The following DNAH7 variants were observed in gnomAD, a reference collection of about 807,000 sequenced individuals.
DNAH7 encodes axonemal beta dynein heavy chain 7.
DNAH7 carries 397 observed loss-of-function variants against 444.6 expected under a neutral mutation model. That is an observed-to-expected ratio of 0.89 (90% confidence interval 0.82 to 0.97). The LOEUF is 0.97. Among genes scored for constraint, DNAH7 ranks in the 50% least tolerant of loss-of-function variants. The pLI is 0.00. For synonymous variants in DNAH7, 1,636 were observed against 1,624.4 expected (o/e 1.01, Z -0.17); for missense variants, 4,902 against 4,800.8 (o/e 1.02, Z -0.62).
chr2:196,033,757 T>G (rs571209724), intron 5 of DNAH7, among the ~76,000 whole-genome samples: 2 of 152,208 alleles, frequency 1.3e-5, no homozygotes, highest in Non-Finnish European at 2.9e-5. Context: ...AACATGGGCA[T>G]GCAGATGTCT....
chr2:195,763,664 G>A (rs565341866), intron 61 of DNAH7, among the ~76,000 whole-genome samples: 7 of 151,734 alleles, frequency 4.6e-5, no homozygotes, highest in Non-Finnish European at 8.8e-5. Flanking sequence ...ACAACCTACC[G>A]GGATTGGACC....
At chr2:195,896,519 A>G (rs1269826691) in intron 29 of DNAH7, among the ~76,000 whole-genome samples, 2 of 152,166 alleles carry the variant, frequency 1.3e-5, no homozygotes, top group Non-Finnish European at 1.5e-5. Flanking sequence ...TTTAAGTTAA[A>G]AAGTTGGAGT....
At chr2:196,065,994 T>C (rs1166578251) in intron 1 of DNAH7, among the ~76,000 whole-genome samples, 1 of 152,244 alleles carries the variant, frequency 6.6e-6, no homozygotes, top group Non-Finnish European at 1.5e-5. Flanking sequence ...TTAAGTCCTT[T>C]TGAGTATGCC....
intron 54 of DNAH7, among the ~76,000 whole-genome samples, chr2:195,801,689 G>C (rs1696466601): frequency 1.3e-5 from 2 of 152,190 alleles, no homozygotes; most frequent in Admixed American, 1.3e-4. Context: ...GGTCTACTCT[G>C]TAAAACATTG....
intron 51 of DNAH7, among the ~76,000 whole-genome samples, chr2:195,814,159 T>C (rs13420829): frequency 0.027 from 4,103 of 152,296 alleles, 180 homozygotes; most frequent in African/African-American, 0.093. Context: ...ACTGGGCAAA[T>C]ACTTCTGATT....
In DNAH7 at chr2:195,737,850, A is replaced by T; in HGVS notation, c.*71T>A. On this transcript the variant is annotated 3_prime_UTR_variant, in exon 65 of 65. Transcript: ENST00000312428. ...TTTAAACAAACAAAAAAAAAGGTTTAAGTAGTAAAATATGCTTTCTCTACT... is the reference window on the plus strand; with the variant it reads ...TTTAAACAAACAAAAAAAAAGGTTTTAGTAGTAAAATATGCTTTCTCTACT... 2.2e-6 allele frequency: 3 copies of T among 1,358,006 alleles called. No homozygotes were observed. Among genetic ancestry groups the T allele is most frequent in the Non-Finnish European group, 2.0e-6 (2 of 986,818 alleles). 84.1% of individuals were successfully genotyped at this position (1,358,006 alleles called of 1,614,324 possible). A position where few individuals can be genotyped will look rare whatever the true frequency, so the allele number is the denominator to read the frequency against.
intron 21 of DNAH7, among the ~76,000 whole-genome samples, chr2:195,931,346 C>T (rs922188472): frequency 1.2e-4 from 18 of 152,004 alleles, no homozygotes; most frequent in Admixed American, 5.9e-4. Flanking sequence ...GAGTAGGTTG[C>T]GAAAATTTTC....
At chr2:195,995,563 A>G in intron 12 of DNAH7, 1 of 297,490 alleles carries the variant, frequency 3.4e-6, no homozygotes, top group South Asian at 3.0e-5. Flanking sequence ...CATTTCCGAA[A>G]CCAACCTGGC....
chr2:195,793,072 G>A (rs2105986886), intron 57 of DNAH7, among the ~76,000 whole-genome samples: 1 of 152,046 alleles, frequency 6.6e-6, no homozygotes, highest in East Asian at 1.9e-4. Flanking sequence ...TGGGACTATA[G>A]GTGTGTGCCA....
Position 196,026,868 on chromosome 2 carries a change from G to A in DNAH7, c.559C>T (p.His187Tyr), listed in dbSNP as rs778255227. Residue 187 changes from histidine (H) to tyrosine (Y), a missense_variant, in exon 7 of 65, where the codon CAC becomes TAC. Physicochemically the swap from His to Tyr is moderately conservative, Grantham distance 83. Transcript: ENST00000312428. ...TGTTGTGGAACTAAATCCAGTACGTGTTCTAGCCAAGAATCTTCCATTGGG... is the reference window on the plus strand; with the variant it reads ...TGTTGTGGAACTAAATCCAGTACGTATTCTAGCCAAGAATCTTCCATTGGG... Reference protein sequence around the residue: ...VAPMEDSWLEHVLDLVPQHLK... With the variant: ...VAPMEDSWLEYVLDLVPQHLK... The A allele has an allele frequency of 6.2e-7, 1 of 1,612,306 alleles. No homozygotes were observed. The highest frequency in any genetic ancestry group is 1.7e-5 in the Admixed American group (1 of 59,948).
At position 195,995,000 on chromosome 2, in the gene DNAH7, G is replaced by A. The variant is rs4850649; in HGVS notation, c.1353+5704C>T. The A allele has an allele frequency of 0.019, 4,849 of 257,556 alleles. 386 individuals carry two copies. In the East Asian group the frequency reaches 0.26, roughly 14 times the overall value. 16.0% of individuals were successfully genotyped at this position (257,556 alleles called of 1,614,324 possible). ...GCTGGAGTGCAGTGGCGCAATCTCG[G>A]CTCACTGCAACCTCCACCTCCTGGG... On this transcript the variant is annotated intron_variant, in intron 12 of 64. Coordinates refer to ENST00000312428, the MANE Select transcript of DNAH7 (RefSeq NM_018897.3).
intron 31 of DNAH7, among the ~76,000 whole-genome samples, chr2:195,889,317 CTTTCT>C (rs905299929): frequency 1.5e-5 from 2 of 131,456 alleles, no homozygotes; most frequent in Non-Finnish European, 3.3e-5. Context: ...CTTTCTTTTT[CTTTCT>C]TTTCTTTTTT....
intron 10 of DNAH7, among the ~76,000 whole-genome samples, chr2:196,009,480 T>C (rs535660338): frequency 6.6e-6 from 1 of 152,178 alleles, no homozygotes; most frequent in South Asian, 2.1e-4. Flanking sequence ...CTTGGCCTAG[T>C]AATGGTTCAC....
Position 195,876,302 on chromosome 2 carries a change from A to C in DNAH7, c.6117+242T>G, listed in dbSNP as rs1326094201. Among the ~76,000 whole-genome samples the C allele has an allele frequency of 7.9e-5, 12 of 152,364 alleles. No homozygotes were observed. The East Asian group carries it at 2.3e-3, about 29-fold the overall frequency. ...AAAAATGTTAGTGAAAAAATTAGGA[A>C]GGTAGATAATTTCTCAGATGAATAT... On this transcript the variant is annotated intron_variant, in intron 37 of 64. Coordinates refer to ENST00000312428, the MANE Select transcript of DNAH7 (RefSeq NM_018897.3).
intron 12 of DNAH7, among the ~76,000 whole-genome samples, chr2:195,991,074 AG>A (rs1473468833): frequency 6.6e-6 from 1 of 151,052 alleles, no homozygotes; most frequent in East Asian, 1.9e-4. Flanking sequence ...GATCACAGCT[AG>A]GGAACAGGTC....
intron 8 of DNAH7, among the ~76,000 whole-genome samples, chr2:196,022,175 A>T (rs761779126): frequency 6.6e-6 from 1 of 152,202 alleles, no homozygotes; most frequent in Non-Finnish European, 1.5e-5. Context: ...TTGTTGCCAC[A>T]AAATACTAAC....
chr2:195,934,808 TTAAGA>T lies in DNAH7; in HGVS notation c.3273-24_3273-20del. On this transcript the variant is annotated intron_variant, in intron 20 of 64. Transcript: ENST00000312428. ...TTGCACCCTGTCAGGAAAAACATTT[TTAAGA>T]TAATTAACCAAGTTAAAACAATTCT... 1 of 1,612,970 alleles carries T rather than the reference TTAAGA, an allele frequency of 6.2e-7. No individual in the cohort carries two copies. Among genetic ancestry groups the T allele is most frequent in the Non-Finnish European group, 8.5e-7 (1 of 1,179,332 alleles).
intron 5 of DNAH7, among the ~76,000 whole-genome samples, chr2:196,028,442 A>G (rs1047192056): frequency 6.6e-6 from 1 of 152,204 alleles, no homozygotes; most frequent in South Asian, 2.1e-4. Context: ...TACTTTAAAC[A>G]CAGTTTTGCA....
At chr2:195,918,707 T>C (rs1298783808) in intron 24 of DNAH7, among the ~76,000 whole-genome samples, 1 of 152,174 alleles carries the variant, frequency 6.6e-6, no homozygotes, top group Non-Finnish European at 1.5e-5. Context: ...TATATATACA[T>C]GACAAAAATG....
Sources: allele counts gnomAD v4.1 joint callset (sites outside exome capture counted in the v4.1 genomes callset), GRCh38; gene constraint gnomAD v4.1.1; transcripts MANE v1.5; gene names NCBI Gene and HGNC (gene_info 2026-07-23, HGNC 2026-07-21).